The following FOXP4 variants were observed in gnomAD, a reference collection of about 807,000 sequenced individuals.
The protein encoded by FOXP4 is forkhead box protein P4.
FOXP4 carries 25 observed loss-of-function variants against 82.6 expected under a neutral mutation model. That is an observed-to-expected ratio of 0.30 (90% CI 0.22 to 0.42). The LOEUF (loss-of-function observed/expected upper bound fraction) is 0.42. Among genes scored for constraint, FOXP4 ranks in the 10% least tolerant of loss-of-function variants. The pLI, the probability that FOXP4 is intolerant of heterozygous loss-of-function variation, is 1.00. For missense variants in FOXP4, 785 were observed against 900.9 expected, an observed-to-expected ratio of 0.87 and a Z score of 1.65; for synonymous variants, 415 against 388.2, an observed-to-expected ratio of 1.07 and a Z score of -0.81.
At chr6:41,596,692 G>T (rs1766855992) in intron 14 of FOXP4, among the ~76,000 whole-genome samples, 2 of 152,048 alleles carry the variant, frequency 1.3e-5, no homozygotes, top group Non-Finnish European at 2.9e-5. Flanking sequence ...CTGTATGGAG[G>T]CTTCCATACA....
At chr6:41,559,045 G>A (rs1271989853) in intron 1 of FOXP4, among the ~76,000 whole-genome samples, 3 of 152,142 alleles carry the variant, frequency 2.0e-5, no homozygotes, top group East Asian at 1.9e-4. Context: ...AGGCCTTTGC[G>A]TATGTTCTTT....
At chr6:41,576,855 A>T (rs1018097260) in intron 2 of FOXP4, among the ~76,000 whole-genome samples, 1 of 152,122 alleles carries the variant, frequency 6.6e-6, no homozygotes, top group Admixed American at 6.5e-5. Flanking sequence ...CTAAGGTTGG[A>T]GCCCTGTGTC....
rs1355620106 is a variant in FOXP4, at chr6:41,591,992, G to GGT, written c.1536+683_1536+684dup. Among the ~76,000 whole-genome samples the GGT allele has an allele frequency of 1.1e-3, 170 of 151,888 alleles. No individual in the cohort carries two copies. The highest frequency in any genetic ancestry group is 3.9e-3 in the African/African-American group (163 of 41,422). On this transcript the variant is annotated intron_variant, in intron 13 of 16. Transcript: ENST00000307972. This position sits in a 1 kb window ranked among gnomAD's most constrained non-coding sequence, Gnocchi z 4.2. Reference sequence around the variant, plus strand: ...TTTATTTTTCTATAGCCAAAAGGGGGGTGTGTGTGTGTGTCTGTCTGTCTG... The same window carrying GGT: ...TTTATTTTTCTATAGCCAAAAGGGGGGTGTGTGTGTGTGTGTCTGTCTGTCTG...
chr6:41,590,046 C>G lies in FOXP4; in HGVS notation c.1233C>G (p.Pro411=). 3 of 1,613,970 alleles carry G rather than the reference C, an allele frequency of 1.9e-6. No homozygotes were observed. The highest frequency in any genetic ancestry group is 1.1e-5 in the South Asian group (1 of 91,086). ...ADSFPDGLVH[P]PTSAAAPVTP... is the part of the protein sequence containing the mutation. ...CATTCCCAGATGGTCTCGTGCACCC[C>G]CCGACCTCGGCCGCAGCCCCTGTCA... The change falls in exon 11 of 17, where the codon CCC becomes CCG. Residue 411 remains proline, a synonymous_variant. Transcript: ENST00000307972.
intron 2 of FOXP4, among the ~76,000 whole-genome samples, chr6:41,571,138 C>T (rs537077681): frequency 6.6e-6 from 1 of 152,296 alleles, no homozygotes; most frequent in African/African-American, 2.4e-5. Flanking sequence ...ACTTTTGCAT[C>T]ACTGCCACTC....
At chr6:41,576,692 T>A (rs1045862585) in intron 2 of FOXP4, among the ~76,000 whole-genome samples, 1 of 152,184 alleles carries the variant, frequency 6.6e-6, no homozygotes, top group Non-Finnish European at 1.5e-5. Context: ...GCCAACTGGA[T>A]GCCAAACATT....
At chr6:41,562,492 C>A (rs1469443750) in intron 1 of FOXP4, among the ~76,000 whole-genome samples, 1 of 152,064 alleles carries the variant, frequency 6.6e-6, no homozygotes, top group Non-Finnish European at 1.5e-5. Context: ...TCTGTATGCC[C>A]CCCCCATAAA....
At chr6:41,560,535 C>T (rs975930250) in intron 1 of FOXP4, among the ~76,000 whole-genome samples, 1 of 152,248 alleles carries the variant, frequency 6.6e-6, no homozygotes, top group African/African-American at 2.4e-5. Flanking sequence ...GCTGCGCGTG[C>T]ACGTGTGCTC....
At position 41,587,429 on chromosome 6, in the gene FOXP4, C is replaced by T. The variant is rs146299057; in HGVS notation, c.789C>T (p.Ala263=). The T allele has an allele frequency of 2.6e-5, 41 of 1,576,240 alleles. 3 individuals carry two copies. The highest frequency in any genetic ancestry group is 4.5e-5 in the East Asian group (2 of 44,658). ...TGTAATATSF[A]APPKVSPPLS... ...CGGCCGCCACCGCTACCTCGTTTGC[C>T]GCTCCCCCCAAGGTCTCACCCCCCC... The change falls in exon 7 of 17, where the codon GCC becomes GCT. Residue 263 remains alanine, a synonymous_variant. Coordinates refer to ENST00000307972, the MANE Select transcript of FOXP4 (RefSeq NM_001012426.2).
At chr6:41,560,493 C>A (rs1395474629) in intron 1 of FOXP4, among the ~76,000 whole-genome samples, 1 of 152,242 alleles carries the variant, frequency 6.6e-6, no homozygotes, top group Non-Finnish European at 1.5e-5. Flanking sequence ...ACCCGTGTCT[C>A]CCTTAAGAAC....
chr6:41,566,586 A>T (rs1288924202), intron 2 of FOXP4, among the ~76,000 whole-genome samples: 1 of 152,060 alleles, frequency 6.6e-6, no homozygotes, highest in Admixed American at 6.6e-5. Flanking sequence ...TTTAAGACCA[A>T]CCTCTCTGAG....
intron 9 of FOXP4, among the ~76,000 whole-genome samples, chr6:41,588,994 T>G (rs1347092093): frequency 6.6e-6 from 1 of 152,186 alleles, no homozygotes; most frequent in Non-Finnish European, 1.5e-5. Context: ...TCAAAAATAA[T>G]TATTAGCAGC....
At chr6:41,552,871 C>G (rs1254833251) in intron 1 of FOXP4, among the ~76,000 whole-genome samples, 2 of 152,072 alleles carry the variant, frequency 1.3e-5, no homozygotes, top group Non-Finnish European at 2.9e-5. Context: ...GATGAGGGTC[C>G]CCGGTAAGCC....
Position 41,598,947 on chromosome 6 carries a change from TGACCG to T in FOXP4, c.*13_*17del. ...GAAGAACTGTCCTAAGGGCCTGTAG[TGACCG>T]GCAGGGCTGGGGTGAGACCCCTCCC... On this transcript the variant is annotated 3_prime_UTR_variant, in exon 17 of 17. Coordinates refer to ENST00000307972, the MANE Select transcript of FOXP4 (RefSeq NM_001012426.2). 6.3e-7 allele frequency: 1 copy of T among 1,577,256 alleles called. No individual in the cohort carries two copies. Among genetic ancestry groups the T allele is most frequent in the Non-Finnish European group, 8.6e-7 (1 of 1,164,370 alleles).
chr6:41,586,989 C>T lies in FOXP4; in HGVS notation c.511-20C>T, dbSNP rs2127391598. Reference sequence around the variant, plus strand: ...GCTGATGGCACCCCTCTCTGCCCGCCCCCTCGGGCCCCTCACCAGGCACTG... The same window carrying T: ...GCTGATGGCACCCCTCTCTGCCCGCTCCCTCGGGCCCCTCACCAGGCACTG... On this transcript the variant is annotated intron_variant, in intron 5 of 16. Transcript: ENST00000307972. 6 of 1,559,454 alleles carry T rather than the reference C, an allele frequency of 3.8e-6. No individual in the cohort carries two copies. The highest frequency in any genetic ancestry group is 4.4e-6 in the Non-Finnish European group (5 of 1,147,420).
chr6:41,597,186 C>G lies in FOXP4; in HGVS notation c.1669C>G (p.Leu557Val). Reference sequence around the variant, plus strand: ...TTCTCTGTCCTCCAGGAGCCCCACCCTGGTGAAGAACATGATCTCTGGCCT... The same window carrying G: ...TTCTCTGTCCTCCAGGAGCCCCACCGTGGTGAAGAACATGATCTCTGGCCT... ...RPPKMTGSPT[L>V]VKNMISGLSY... The change falls in exon 15 of 17, where the codon CTG becomes GTG. Residue 557 changes from leucine to valine, a missense_variant. Physicochemically the swap from Leu to Val is conservative, Grantham distance 32. Transcript: ENST00000307972. 6.2e-7 allele frequency: 1 copy of G among 1,614,206 alleles called. No individual in the cohort carries two copies. The highest frequency in any genetic ancestry group is 8.5e-7 in the Non-Finnish European group (1 of 1,180,028).
chr6:41,585,854 CT>C (rs931676584), intron 5 of FOXP4, among the ~76,000 whole-genome samples: 3 of 152,014 alleles, frequency 2.0e-5, no homozygotes, highest in Non-Finnish European at 4.4e-5. Context: ...CCCCTTGTCT[CT>C]TTGTGACCCA....
At chr6:41,598,020 C>G in intron 16 of FOXP4, 70 bp downstream of exon 16, 6 of 1,322,826 alleles carry the variant, frequency 4.5e-6, no homozygotes, top group Non-Finnish European at 6.0e-6. Flanking sequence ...CGTCATCCCC[C>G]ACCCTGGGTG....
At chr6:41,555,426 C>T (rs1764222665) in intron 1 of FOXP4, among the ~76,000 whole-genome samples, 1 of 152,190 alleles carries the variant, frequency 6.6e-6, no homozygotes, top group South Asian at 2.1e-4. Flanking sequence ...CCCCCTACAT[C>T]TGAGGAAATG....
Sources: allele counts gnomAD v4.1 joint callset (sites outside exome capture counted in the v4.1 genomes callset), GRCh38; gene constraint gnomAD v4.1.1; non-coding constraint Gnocchi (gnomAD v3.1); transcripts MANE v1.5; gene names NCBI Gene and HGNC (gene_info 2026-07-23, HGNC 2026-07-21).